NOL6: variants seen among roughly 807,000 people sequenced by gnomAD.
The protein encoded by NOL6 is nucleolar RNA-associated protein.
In NOL6, 33 loss-of-function variants were observed where a neutral mutation model predicts 131.7. The observed-to-expected ratio is 0.25, with a 90% CI of 0.19 to 0.33. The LOEUF (loss-of-function observed/expected upper bound fraction) is 0.33, where lower values mean the gene tolerates loss of function less well. Among genes scored for constraint, NOL6 ranks in the 10% least tolerant of loss-of-function variants. NOL6 has a pLI of 1.00. For missense variants in NOL6, 1,297 were observed against 1,494.5 expected (o/e 0.87, Z 2.18); for synonymous variants, 580 against 605.7 (o/e 0.96, Z 0.62).
chr9:33,472,429 A>T lies in NOL6; in HGVS notation c.55-17T>A, dbSNP rs188228267. On this transcript the variant is annotated splice_polypyrimidine_tract_variant and intron_variant, in intron 1 of 25. Transcript: ENST00000297990. Reference sequence around the variant, plus strand: ...TTCCATCACCTGTGGCCAGTGAGGGAGAAGCCATTTTGAGGTAATAGGTAT... The same window carrying T: ...TTCCATCACCTGTGGCCAGTGAGGGTGAAGCCATTTTGAGGTAATAGGTAT... 6.2e-7 allele frequency: 1 copy of T among 1,607,826 alleles called. No individual in the cohort carries two copies. Among genetic ancestry groups the T allele is most frequent in the East Asian group, 2.2e-5 (1 of 44,776 alleles).
In NOL6 at chr9:33,461,824, G is replaced by A. The variant is rs1217322337; in HGVS notation, c.*840C>T. ...AAAGTGGGTGTAGACCAGACTGAAA[G>A]GAGGCAGCATTCTCCTCCTTGGGCC... On this transcript the variant is annotated 3_prime_UTR_variant, in exon 26 of 26. Transcript: ENST00000297990. The A allele has an allele frequency of 1.2e-5, 3 of 260,076 alleles. No individual in the cohort carries two copies. The highest frequency in any genetic ancestry group is 7.4e-5 in the East Asian group (1 of 13,506). 16.1% of individuals were successfully genotyped at this position (260,076 alleles called of 1,614,324 possible).
rs1363639810 is a variant in NOL6, at chr9:33,473,809, C to G, written c.34G>C (p.Gly12Arg). Residue 12 changes from glycine (G) to arginine (R), a missense_variant, in exon 1 of 26, where the codon GGA (glycine) becomes CGA (arginine). Transcript: ENST00000297990. ...CCCACCTCTGGCTCTCCAGTCGCTCCGCGAAGCTGCTCTCCAGCTGGCGCC... is the reference window on the plus strand; with the variant it reads ...CCCACCTCTGGCTCTCCAGTCGCTCGGCGAAGCTGCTCTCCAGCTGGCGCC... ...GPAPAGEQLR[G>R]ATGEPEVMEP... 6.2e-7 allele frequency: 1 copy of G among 1,611,874 alleles called. No homozygotes were observed. The highest frequency in any genetic ancestry group is 1.7e-5 in the Admixed American group (1 of 60,030).
rs751127132 is a variant in NOL6, at chr9:33,466,933, T to C, written c.1929A>G (p.Ala643=). Residue 643 remains alanine (A), a synonymous_variant, in exon 15 of 26, where the codon GCA becomes GCG. Coordinates refer to ENST00000297990, the MANE Select transcript of NOL6 (RefSeq NM_022917.5). ...TTACCTCTTTCAGGCCTTGGATAAG[T>C]GCATCCAGGGGGCCCCCCACATAGT... is the stretch of plus-strand genomic sequence containing the variant. The part of the protein sequence containing the change: ...CVHYVGGPLD[A]LIQGLKETSS... 1 of 1,614,086 alleles carries C rather than the reference T, an allele frequency of 6.2e-7. No homozygotes were observed. The highest frequency in any genetic ancestry group is 8.5e-7 in the Non-Finnish European group (1 of 1,180,008).
chr9:33,463,542 A>T (rs1827158998), intron 23 of NOL6, 101 bp from the exon 24 acceptor site: 1 of 1,117,916 alleles, frequency 8.9e-7, no homozygotes, highest in African/African-American at 1.6e-5. Context: ...CTTCCATCTG[A>T]CCACCCTCTA....
Position 33,468,868 on chromosome 9 carries a change from T to G in NOL6, c.1031A>C (p.Gln344Pro), listed in dbSNP as rs758132693. The change falls in exon 8 of 26, where the codon CAG becomes CCG. Residue 344 changes from glutamine (Q) to proline (P), a missense_variant. Transcript: ENST00000297990. ...GACAAGGAACCCAGTAAACCCACCCTGGCCCTGAAAGAGACAGGGAGAGGC... is the reference window on the plus strand; with the variant it reads ...GACAAGGAACCCAGTAAACCCACCCGGGCCCTGAAAGAGACAGGGAGAGGC... ...WLRQRELDKGQGGFTGFLVSM... is the reference protein window; with the variant it reads ...WLRQRELDKGPGGFTGFLVSM... The G allele has an allele frequency of 8.7e-6, 14 of 1,614,100 alleles. 1 individual carries two copies. In the South Asian group the frequency reaches 1.5e-4, roughly 18 times the overall value.
At position 33,464,061 on chromosome 9, in the gene NOL6, C is replaced by T. The variant is rs774429728; in HGVS notation, c.2880G>A (p.Trp960Ter). ...VTPQDRKNSV[W>*]TQDGPSAQIL... is the part of the protein sequence containing the mutation. ...CCTGGGCTGAGGGTCCATCCTGTGTCCACACAGAGTTTTTGCGGTCTTGGG... is the reference window on the plus strand; with the variant it reads ...CCTGGGCTGAGGGTCCATCCTGTGTTCACACAGAGTTTTTGCGGTCTTGGG... Residue 960 changes from tryptophan (W) to a stop codon, truncating the protein, a stop_gained, in exon 22 of 26, where the codon TGG (tryptophan) becomes TGA (stop). Coordinates refer to ENST00000297990, the MANE Select transcript of NOL6 (RefSeq NM_022917.5). LOFTEE classifies it high-confidence loss of function. 6.2e-7 allele frequency: 1 copy of T among 1,613,640 alleles called. No individual in the cohort carries two copies. Among genetic ancestry groups the T allele is most frequent in the Non-Finnish European group, 8.5e-7 (1 of 1,179,770 alleles).
In NOL6 at chr9:33,463,874, A is replaced by G. The variant is rs745528468; in HGVS notation, c.2951T>C (p.Leu984Ser). The change falls in exon 23 of 26, where the codon TTA becomes TCA. Residue 984 changes from leucine to serine, a missense_variant. Physicochemically the swap from Leu to Ser is moderately radical, Grantham distance 145. Transcript: ENST00000297990. ...VVLAAEALPM[L>S]EKQLMDPRGP... is the part of the protein sequence containing the mutation. Reference sequence around the variant, plus strand: ...CCGGGGATCCATGAGCTGCTTCTCTAACATGGGCAGGGCTTCAGCTGCCAG... The same window carrying G: ...CCGGGGATCCATGAGCTGCTTCTCTGACATGGGCAGGGCTTCAGCTGCCAG... The G allele has an allele frequency of 6.2e-7, 1 of 1,614,046 alleles. No individual in the cohort carries two copies. The highest frequency in any genetic ancestry group is 8.5e-7 in the Non-Finnish European group (1 of 1,179,998).
chr9:33,470,779 AG>A (rs1432910207), intron 3 of NOL6: 6 of 45,824 alleles, frequency 1.3e-4, no homozygotes, highest in African/African-American at 4.7e-4. Flanking sequence ...AGAGAGGAAA[AG>A]ATTTAAAAAA....
rs1827288374 is a variant in NOL6 at position 33,467,786 on chromosome 9, C to T, written c.1507G>A (p.Val503Ile). Residue 503 changes from valine (V) to isoleucine (I), a missense_variant, in exon 12 of 26, where the codon GTC becomes ATC. Coordinates refer to ENST00000297990, the MANE Select transcript of NOL6 (RefSeq NM_022917.5). The surrounding 1 kb of genome is among the most constrained non-coding windows in gnomAD (Gnocchi z 4.4). Reference protein sequence around the residue: ...PELQDNGGDYVSAALGPLTTL... With the variant: ...PELQDNGGDYISAALGPLTTL... ...GTCAGGGGGCCCAAAGCAGCTGAGA[C>T]ATAGTCCCCACCATTGTCCTGCAGC... The T allele has an allele frequency of 1.9e-6, 3 of 1,611,628 alleles. No individual in the cohort carries two copies. The highest frequency in any genetic ancestry group is 1.3e-5 in the African/African-American group (1 of 74,860).
rs369399799 is a variant in NOL6 at position 33,463,248 on chromosome 9, C to T, written c.3188G>A (p.Arg1063Lys). ...GTCATTCAGCTGTTTAGGACCAACCCTGAGCTGCGTCAGATAGAGCTGAGG... is the reference window on the plus strand; with the variant it reads ...GTCATTCAGCTGTTTAGGACCAACCTTGAGCTGCGTCAGATAGAGCTGAGG... ...DPPQLYLTQLREAFGDLALFF... is the reference protein window; with the variant it reads ...DPPQLYLTQLKEAFGDLALFF... Residue 1063 changes from arginine to lysine, a missense_variant and splice_region_variant, in exon 24 of 26, where the codon AGG becomes AAG. By Grantham distance (26) the Arg-to-Lys change is conservative (BLOSUM62 2). Transcript: ENST00000297990. 6.8e-6 allele frequency: 11 copies of T among 1,613,338 alleles called. No homozygotes were observed. Among genetic ancestry groups the T allele is most frequent in the Non-Finnish European group, 8.5e-6 (10 of 1,179,512 alleles).
In NOL6 at chr9:33,472,250, G is replaced by A. The variant is rs752043329; in HGVS notation, c.217C>T (p.Arg73Trp). ...EPTNEELNRLRETEILFHSSL... is the reference protein window; with the variant it reads ...EPTNEELNRLWETEILFHSSL... ...GAGTGGAACAAGATCTCAGTCTCCC[G>A]AAGGCGATTAAGCTCCTCATTGGTA... Residue 73 changes from arginine (R) to tryptophan (W), a missense_variant, in exon 2 of 26, where the codon CGG becomes TGG. Coordinates refer to ENST00000297990, the MANE Select transcript of NOL6 (RefSeq NM_022917.5). The A allele has an allele frequency of 6.8e-6, 11 of 1,614,092 alleles. 1 individual carries two copies. The highest frequency in any genetic ancestry group is 3.3e-5 in the South Asian group (3 of 91,088).
intron 15 of NOL6, 47 bp downstream of exon 15, chr9:33,466,865 C>T: frequency 6.3e-7 from 1 of 1,594,796 alleles, no homozygotes; most frequent in East Asian, 2.2e-5. Flanking sequence ...TCTCTCCCCG[C>T]AGATTGATTA....
chr9:33,463,217 C>T (rs1827145029), intron 24 of NOL6, 30 bp downstream of exon 24: 1 of 1,610,796 alleles, frequency 6.2e-7, no homozygotes, highest in Non-Finnish European at 8.5e-7. Flanking sequence ...GAAGTCCCCT[C>T]CCCAGGTCAT....
In NOL6 at chr9:33,465,881, C is replaced by A. The variant is rs150457940; in HGVS notation, c.2381G>T (p.Arg794Leu). Residue 794 changes from arginine to leucine, a missense_variant, in exon 19 of 26, where the codon CGG becomes CTG. Physicochemically the swap from Arg to Leu is moderately radical, Grantham distance 102 (BLOSUM62 -2). Coordinates refer to ENST00000297990, the MANE Select transcript of NOL6 (RefSeq NM_022917.5). ...CTCCCGCTGATAGGCCACGCGAATC[C>A]GAAACACAAATCCATCCTGTTGGAA... ...TDVLKDGFVFRIRVAYQREPQ... is the reference protein window; with the variant it reads ...TDVLKDGFVFLIRVAYQREPQ... 5 of 1,613,694 alleles carry A rather than the reference C, an allele frequency of 3.1e-6. No homozygotes were observed. The highest frequency in any genetic ancestry group is 4.2e-6 in the Non-Finnish European group (5 of 1,179,818).
rs1479420209 is a variant in NOL6 at position 33,468,771 on chromosome 9, T to A, written c.1128A>T (p.Arg376Ser). 1 of 1,614,114 alleles carries A rather than the reference T, an allele frequency of 6.2e-7. No homozygotes were observed. Among genetic ancestry groups the A allele is most frequent in the Non-Finnish European group, 8.5e-7 (1 of 1,180,020 alleles). Residue 376 changes from arginine (R) to serine (S), a missense_variant, in exon 8 of 26, where the codon AGA becomes AGT. Transcript: ENST00000297990. ...HTTMSGYQVL[R>S]SVLQFLATTD... ...CCTCACCCAGAAACTGCAAGACACT[T>A]CTCAGGACCTGGTAGCCACTCATGG...
Position 33,462,618 on chromosome 9 carries a change from GGTCCAATGTCCTGCT to G in NOL6, c.*31_*45del, listed in dbSNP as rs750197992. ...CATCCTACTGACATCTTGCTCTAGA[GGTCCAATGTCCTGCT>G]GTCCGTCTACAGCTTGCTCCAGAGC... On this transcript the variant is annotated 3_prime_UTR_variant, in exon 26 of 26. Coordinates refer to ENST00000297990, the MANE Select transcript of NOL6 (RefSeq NM_022917.5). The G allele has an allele frequency of 7.5e-6, 12 of 1,605,002 alleles. No homozygotes were observed. Among genetic ancestry groups the G allele is most frequent in the African/African-American group, 2.7e-5 (2 of 74,754 alleles).
At position 33,469,131 on chromosome 9, in the gene NOL6, G is replaced by A; in HGVS notation, c.863-10C>T. The A allele has an allele frequency of 6.2e-7, 1 of 1,614,122 alleles. No homozygotes were observed. Among genetic ancestry groups the A allele is most frequent in the South Asian group, 1.1e-5 (1 of 91,088 alleles). ...GGAGGCTCTGGGCTACCTGTGGGAT[G>A]AAAAGGGAAGCCATGAGAGGAAAAG... On this transcript the variant is annotated splice_polypyrimidine_tract_variant and intron_variant, in intron 6 of 25. Coordinates refer to ENST00000297990, the MANE Select transcript of NOL6 (RefSeq NM_022917.5).
intron 5 of NOL6, 22 bp from the exon 6 acceptor site, chr9:33,469,363 G>C: frequency 6.2e-7 from 1 of 1,613,928 alleles, no homozygotes; most frequent in Non-Finnish European, 8.5e-7. Context: ...AGTGAGTGCT[G>C]AGACTCTGCA....
chr9:33,469,106 GGA>G lies in NOL6; in HGVS notation c.876_877del (p.Pro293TyrfsTer5). The G allele has an allele frequency of 6.2e-7, 1 of 1,614,198 alleles. No homozygotes were observed. The highest frequency in any genetic ancestry group is 8.5e-7 in the Non-Finnish European group (1 of 1,180,040). ...GACCCATGTGTTATAGCGGGGGGTA[GGA>G]GGCTCTGGGCTACCTGTGGGATGAA... On this transcript the variant is annotated frameshift_variant, in exon 7 of 26. Transcript: ENST00000297990. LOFTEE classifies it high-confidence loss of function.
Sources: gnomAD v4.1 joint callset for allele counts on GRCh38, gnomAD v4.1.1 for gene constraint, Gnocchi (gnomAD v3.1) non-coding constraint, MANE v1.5 for transcripts, NCBI Gene and HGNC (gene_info 2026-07-23, HGNC 2026-07-21) for gene names.